The following ANO10 variants were observed in gnomAD, a reference collection of about 807,000 sequenced individuals.
ANO10 encodes the protein anoctamin-10.
ANO10 carries 77 observed loss-of-function variants against 74.7 expected under a neutral mutation model. That is an observed-to-expected ratio of 1.03 (90% CI 0.86 to 1.25). The LOEUF is 1.25. ANO10 is among the 50% of genes most tolerant of loss of function. ANO10 has a pLI of 0.00. For synonymous variants in ANO10, 279 were observed against 284.9 expected (o/e 0.98, Z 0.21); for missense variants, 721 against 778.1 (o/e 0.93, Z 0.87).
chr3:43,436,808 T>C (rs918267930), intron 11 of ANO10, among the ~76,000 whole-genome samples: 7 of 152,182 alleles, frequency 4.6e-5, no homozygotes, highest in Non-Finnish European at 1.5e-5. Context: ...ACTTATGATA[T>C]GATCCATAGT....
chr3:43,378,381 G>A (rs1021738537), intron 12 of ANO10, among the ~76,000 whole-genome samples: 1 of 152,134 alleles, frequency 6.6e-6, no homozygotes, highest in Non-Finnish European at 1.5e-5. Flanking sequence ...AAACACTAAG[G>A]CCATCACCAA....
chr3:43,368,767 G>A (rs1291242696), intron 12 of ANO10, among the ~76,000 whole-genome samples: 1 of 150,478 alleles, frequency 6.6e-6, no homozygotes, highest in Non-Finnish European at 1.5e-5. Flanking sequence ...CTGCAACCTC[G>A]AACTCCTGGG....
At chr3:43,426,174 T>C (rs1269751227) in intron 12 of ANO10, among the ~76,000 whole-genome samples, 1 of 152,188 alleles carries the variant, frequency 6.6e-6, no homozygotes, top group Non-Finnish European at 1.5e-5. Flanking sequence ...TGTCTTTCTC[T>C]GTAACTTCTG....
chr3:43,664,491 A>G (rs917919445), intron 1 of ANO10, among the ~76,000 whole-genome samples: 1 of 152,210 alleles, frequency 6.6e-6, no homozygotes, highest in African/African-American at 2.4e-5. Context: ...CACATCTAAA[A>G]CACCAAAAGC....
chr3:43,629,087 G>A (rs996276157), intron 1 of ANO10, among the ~76,000 whole-genome samples: 14 of 152,138 alleles, frequency 9.2e-5, no homozygotes, highest in South Asian at 6.2e-4. Flanking sequence ...GGGGCATCAC[G>A]GAACCTACCA....
chr3:43,540,893 T>C (rs540763873), intron 11 of ANO10, among the ~76,000 whole-genome samples: 7 of 152,292 alleles, frequency 4.6e-5, no homozygotes, highest in Admixed American at 2.6e-4. Context: ...TTTTAGCACA[T>C]AATAAATATG....
chr3:43,470,624 ATTT>A (rs1454511051), intron 11 of ANO10, among the ~76,000 whole-genome samples: 1 of 143,332 alleles, frequency 7.0e-6, no homozygotes, highest in Non-Finnish European at 1.5e-5. Context: ...TTATTTATTT[ATTT>A]ATGTATTTAT....
intron 1 of ANO10, among the ~76,000 whole-genome samples, chr3:43,680,835 A>G (rs1404194429): frequency 1.3e-5 from 2 of 152,208 alleles, no homozygotes; most frequent in African/African-American, 4.8e-5. Context: ...ACTAAGCTTC[A>G]TAAGTGAAGG....
At chr3:43,382,301 C>T (rs1269982247) in intron 12 of ANO10, among the ~76,000 whole-genome samples, 2 of 152,062 alleles carry the variant, frequency 1.3e-5, no homozygotes, top group Non-Finnish European at 1.5e-5. Flanking sequence ...GGGCGGATCA[C>T]GAGGTCAGGA....
chr3:43,665,188 T>C (rs140325838), intron 1 of ANO10, among the ~76,000 whole-genome samples: 4 of 152,308 alleles, frequency 2.6e-5, no homozygotes, highest in Non-Finnish European at 5.9e-5. Flanking sequence ...TGGAATACTA[T>C]GCAGGCATAA....
At chr3:43,612,185 T>C (rs1420770659) in intron 1 of ANO10, among the ~76,000 whole-genome samples, 1 of 100,938 alleles carries the variant, frequency 9.9e-6, no homozygotes. Context: ...TATATATATA[T>C]GCCCAAGAAA....
At chr3:43,493,842 C>T (rs1291397446) in intron 11 of ANO10, among the ~76,000 whole-genome samples, 2 of 152,084 alleles carry the variant, frequency 1.3e-5, no homozygotes, top group East Asian at 3.9e-4. Context: ...TTCAGGTGAT[C>T]CTCCTGCCTC....
intron 1 of ANO10, chr3:43,617,934 T>C (rs1972449): frequency 0.02 from 2,999 of 152,220 alleles, 259 homozygotes; most frequent in Admixed American, 0.15. Context: ...GGAATCTCCA[T>C]AGGACAAAAG....
intron 7 of ANO10, among the ~76,000 whole-genome samples, chr3:43,568,665 C>A (rs1245627256): frequency 1.3e-5 from 2 of 150,174 alleles, no homozygotes; most frequent in Admixed American, 6.6e-5. Context: ...ATACCAGAAT[C>A]TCTGGGGCGC....
rs534104912 is a variant in ANO10, at chr3:43,588,831, G to C, written c.473-8359C>G. 4.3e-4 allele frequency among the ~76,000 whole-genome samples: 65 copies of C among 152,232 alleles called. No homozygotes were observed. The Middle Eastern group carries it at 0.01, about 24-fold the overall frequency. Reference sequence around the variant, plus strand: ...AAAATCTATCCAAGATCTTTATGCAGCCAAAACATAGCTACAAAATTCATA... The same window carrying C: ...AAAATCTATCCAAGATCTTTATGCACCCAAAACATAGCTACAAAATTCATA... On this transcript the variant is annotated intron_variant, in intron 4 of 12. Coordinates refer to ENST00000292246, the MANE Select transcript of ANO10 (RefSeq NM_018075.5).
chr3:43,605,298 A>G (rs1288445406), intron 2 of ANO10, among the ~76,000 whole-genome samples: 1 of 152,126 alleles, frequency 6.6e-6, no homozygotes, highest in Non-Finnish European at 1.5e-5. Context: ...ATTTCTTTCT[A>G]CCCTGATGGT....
intron 1 of ANO10, among the ~76,000 whole-genome samples, chr3:43,688,378 A>G (rs1476226980): frequency 6.6e-6 from 1 of 152,156 alleles, no homozygotes; most frequent in Non-Finnish European, 1.5e-5. Context: ...TTCTGCAGAC[A>G]CACTACAAGT....
intron 11 of ANO10, among the ~76,000 whole-genome samples, chr3:43,516,607 G>A (rs760016357): frequency 6.6e-6 from 1 of 152,162 alleles, no homozygotes; most frequent in Non-Finnish European, 1.5e-5. Flanking sequence ...AGACTGGAGA[G>A]AAAGAAACTG....
At chr3:43,483,083 T>C (rs1276952375) in intron 11 of ANO10, among the ~76,000 whole-genome samples, 2 of 152,262 alleles carry the variant, frequency 1.3e-5, no homozygotes, top group Non-Finnish European at 2.9e-5. Flanking sequence ...CTCTAACTAA[T>C]GATTTTATGC....
Sources: gnomAD v4.1 joint callset for allele counts (sites outside exome capture counted in the v4.1 genomes callset) on GRCh38, gnomAD v4.1.1 for gene constraint, MANE v1.5 for transcripts, NCBI Gene and HGNC (gene_info 2026-07-23, HGNC 2026-07-21) for gene names.